Variants in ACSL6 observed in about 807,000 individuals in gnomAD.
ACSL6 encodes long-chain-fatty-acid--CoA ligase 6.
A neutral mutation model predicts 98.2 loss-of-function variants in ACSL6; 47 were observed. That is an observed-to-expected ratio of 0.48 (90% CI 0.38 to 0.61). The LOEUF (loss-of-function observed/expected upper bound fraction) is 0.61. ACSL6 is among the 20% of genes least tolerant of loss of function. ACSL6 has a pLI of 0.00. For missense variants in ACSL6, 761 were observed against 913.4 expected (o/e 0.83, Z 2.15); for synonymous variants, 362 against 336.9 (o/e 1.07, Z -0.82).
intron 11 of ACSL6, among the ~76,000 whole-genome samples, chr5:131,974,292 C>T (rs1753488842): frequency 6.6e-6 from 1 of 152,216 alleles, no homozygotes; most frequent in South Asian, 2.1e-4. Flanking sequence ...TTCCACAAGG[C>T]CTGTCTCAGG....
In ACSL6 at chr5:131,971,644, G is replaced by A. The variant is rs1753314151; in HGVS notation, c.1340C>T (p.Ala447Val). 1.2e-6 allele frequency: 2 copies of A among 1,600,380 alleles called. No homozygotes were observed. The highest frequency in any genetic ancestry group is 1.7e-6 in the Non-Finnish European group (2 of 1,172,756). Residue 447 changes from alanine to valine, a missense_variant and splice_region_variant, in exon 14 of 21, where the codon GCC (alanine) becomes GTC (valine). Transcript: ENST00000651883. Reference sequence around the variant, plus strand: ...CATCCGCACACACCCACCAAGACTGGCCTGTGGGAAGAAAGAAGAGCTGCC... The same window carrying A: ...CATCCGCACACACCCACCAAGACTGACCTGTGGGAAGAAAGAAGAGCTGCC... ...WDELFFNKIQ[A>V]SLGGCVRMIV... is the part of the protein sequence containing the mutation.
chr5:131,994,938 C>T (rs1172293895), intron 1 of ACSL6, among the ~76,000 whole-genome samples: 1 of 152,226 alleles, frequency 6.6e-6, no homozygotes, highest in Non-Finnish European at 1.5e-5. Flanking sequence ...CCTGTGCTAT[C>T]CTCCCTGATC....
intron 8 of ACSL6, among the ~76,000 whole-genome samples, chr5:131,985,696 C>T (rs1754140874): frequency 6.6e-6 from 1 of 152,240 alleles, no homozygotes; most frequent in Non-Finnish European, 1.5e-5. Flanking sequence ...TAATCTGTCC[C>T]ACCAACCTCA....
At chr5:132,001,078 C>A (rs1159897196) in intron 1 of ACSL6, among the ~76,000 whole-genome samples, 1 of 152,214 alleles carries the variant, frequency 6.6e-6, no homozygotes, top group Non-Finnish European at 1.5e-5. Context: ...AGTCACTTCA[C>A]CTTTCTTCTA....
At chr5:131,968,305 T>C (rs1484134926) in intron 15 of ACSL6, 7 of 324,922 alleles carry the variant, frequency 2.2e-5, no homozygotes, top group Non-Finnish European at 3.4e-5. Context: ...CACAGGGTCC[T>C]GGGTAGGGTA....
Position 131,970,117 on chromosome 5 carries a change from G to A in ACSL6, c.1507+11C>T. ...CTCGCGAGCCAGTCCTATATCTCTA[G>A]CCCATCCTACCTGAGGTCCAGTCGC... On this transcript the variant is annotated intron_variant, in intron 15 of 20. Transcript: ENST00000651883. The A allele has an allele frequency of 6.2e-7, 1 of 1,613,814 alleles. No homozygotes were observed. The highest frequency in any genetic ancestry group is 8.5e-7 in the Non-Finnish European group (1 of 1,179,788).
At chr5:132,008,194 GTCC>G (rs1356344792) in intron 1 of ACSL6, among the ~76,000 whole-genome samples, 1 of 152,210 alleles carries the variant, frequency 6.6e-6, no homozygotes, top group Non-Finnish European at 1.5e-5. Context: ...TCTACCATCT[GTCC>G]CAATTCATAA....
At chr5:132,000,013 T>TG (rs34689958) in intron 1 of ACSL6, among the ~76,000 whole-genome samples, 1 of 148,282 alleles carries the variant, frequency 6.7e-6, no homozygotes, top group African/African-American at 2.5e-5. Context: ...GTGTAGGGGG[T>TG]GGGGGGTGAC....
intron 14 of ACSL6, 130 bp from the exon 15 acceptor site, chr5:131,970,330 G>T: frequency 1.3e-6 from 1 of 743,842 alleles, no homozygotes; most frequent in Non-Finnish European, 2.3e-6. Flanking sequence ...TGGAGGGAGG[G>T]AGGTGCTCTG....
At chr5:131,988,410 C>A (rs1276912421) in intron 6 of ACSL6, 184 bp from the exon 7 acceptor site, 4 of 1,309,156 alleles carry the variant, frequency 3.1e-6, no homozygotes, top group South Asian at 1.4e-5. Flanking sequence ...TGGGCGGAAC[C>A]AAGGGCAGAA....
chr5:131,965,614 G>A (rs1418982287), intron 17 of ACSL6, among the ~76,000 whole-genome samples: 5 of 152,076 alleles, frequency 3.3e-5, no homozygotes, highest in Admixed American at 2.0e-4. Context: ...CCCAGCTGCT[G>A]GGGAGCCTGA....
chr5:131,975,737 C>G, intron 10 of ACSL6: 1 of 985,490 alleles, frequency 1.0e-6, no homozygotes, highest in Non-Finnish European at 1.2e-6. Flanking sequence ...GCCAGGGGAG[C>G]CCTGCACAAG....
At chr5:131,975,031 G>A (rs1753542317) in intron 10 of ACSL6, 61 bp from the exon 11 acceptor site, 2 of 1,572,128 alleles carry the variant, frequency 1.3e-6, no homozygotes, top group African/African-American at 1.4e-5. Flanking sequence ...GACGACAAGA[G>A]AATCATAAAA....
At chr5:131,981,075 A>G (rs1753861883) in intron 9 of ACSL6, among the ~76,000 whole-genome samples, 1 of 151,806 alleles carries the variant, frequency 6.6e-6, no homozygotes, top group East Asian at 1.9e-4. Context: ...CTCTTCTCTT[A>G]CCCCTTCCTT....
At position 131,988,789 on chromosome 5, in the gene ACSL6, G is replaced by A. The variant is rs1203896001; in HGVS notation, c.652+16C>T. Reference sequence around the variant, plus strand: ...GACCAGTTGCCAGTGGCAGGGTGGGGTGGCAGTGGGCTTACCTGTATTGAT... The same window carrying A: ...GACCAGTTGCCAGTGGCAGGGTGGGATGGCAGTGGGCTTACCTGTATTGAT... On this transcript the variant is annotated intron_variant, in intron 6 of 20. Transcript: ENST00000651883. 29 of 1,612,358 alleles carry A rather than the reference G, an allele frequency of 1.8e-5. No individual in the cohort carries two copies. Among genetic ancestry groups the A allele is most frequent in the Non-Finnish European group, 2.3e-5 (27 of 1,178,540 alleles).
intron 11 of ACSL6, chr5:131,973,756 A>G (rs1753450850): frequency 5.3e-6 from 1 of 187,470 alleles, no homozygotes; most frequent in African/African-American, 2.3e-5. Context: ...ACAGCCTACT[A>G]ATGGGTCTGC....
intron 15 of ACSL6, 80 bp downstream of exon 15, chr5:131,970,048 T>C: frequency 7.7e-7 from 1 of 1,290,762 alleles, no homozygotes; most frequent in Admixed American, 1.7e-5. Flanking sequence ...AAATTTACTT[T>C]CCATGAGGGA....
At chr5:131,955,167 A>G (rs767235319) in intron 20 of ACSL6, among the ~76,000 whole-genome samples, 3 of 152,186 alleles carry the variant, frequency 2.0e-5, no homozygotes, top group Non-Finnish European at 4.4e-5. Context: ...ATAGCTGGAA[A>G]TCTTGCCTAA....
rs557838674 is a variant in ACSL6, at chr5:131,971,754, C to T, written c.1339-109G>A. 1.6e-5 allele frequency: 14 copies of T among 875,632 alleles called. 1 individual carries two copies. The East Asian group carries it at 3.8e-4, about 24-fold the overall frequency. 54.2% of individuals were successfully genotyped at this position (875,632 alleles called of 1,614,324 possible). A position where few individuals can be genotyped will look rare whatever the true frequency, so the allele number is the denominator to read the frequency against. On this transcript the variant is annotated intron_variant, in intron 13 of 20. Coordinates refer to ENST00000651883, the MANE Select transcript of ACSL6 (RefSeq NM_001009185.3). ...CCAACAACTGGGTCCTACCTGGATG[C>T]TAGGGCTGGGATCAGAAAGAAGGCC...
Sources: gnomAD v4.1 joint callset for allele counts (sites outside exome capture counted in the v4.1 genomes callset) on GRCh38, gnomAD v4.1.1 for gene constraint, MANE v1.5 for transcripts, NCBI Gene and HGNC (gene_info 2026-07-23, HGNC 2026-07-21) for gene names.